ATP2C1: variants seen among roughly 807,000 people sequenced by gnomAD.
ATP2C1 encodes calcium-transporting ATPase type 2C member 1.
In ATP2C1, 31 loss-of-function variants were observed where a neutral mutation model predicts 120.5. That is an observed-to-expected ratio of 0.26 (90% CI 0.19 to 0.35). The LOEUF (loss-of-function observed/expected upper bound fraction) is 0.35. ATP2C1 is among the 10% of genes least tolerant of loss of function. ATP2C1 has a pLI of 1.00. For missense variants in ATP2C1, 731 were observed against 1,107.5 expected (o/e 0.66, Z 4.83); for synonymous variants, 351 against 358.7 (o/e 0.98, Z 0.24).
intron 27 of ATP2C1, among the ~76,000 whole-genome samples, chr3:131,000,861 G>A (rs985003066): frequency 1.3e-5 from 2 of 152,094 alleles, no homozygotes; most frequent in Non-Finnish European, 2.9e-5. Flanking sequence ...CCAATACTTC[G>A]GGAGGCTGAG....
At chr3:131,004,592 C>G (rs55898113), downstream of ATP2C1, among the ~76,000 whole-genome samples, 8,942 of 152,118 alleles carry the variant, frequency 0.059, 842 homozygotes, top group African/African-American at 0.2. Flanking sequence ...AATATATCCA[C>G]TAGAGTGGTA....
At chr3:130,924,089 A>G (rs1472371384) in intron 2 of ATP2C1, among the ~76,000 whole-genome samples, 1 of 151,148 alleles carries the variant, frequency 6.6e-6, no homozygotes, top group Non-Finnish European at 1.5e-5. Context: ...TTTAGATGTG[A>G]GGTACTGTTG....
intron 8 of ATP2C1, among the ~76,000 whole-genome samples, chr3:130,942,148 T>C (rs1249944824): frequency 1.3e-5 from 2 of 152,180 alleles, no homozygotes; most frequent in Non-Finnish European, 1.5e-5. Context: ...CAGTGATAAT[T>C]GAAGAGTAGT....
At chr3:131,005,750 C>A (rs1477242363), downstream of ATP2C1, among the ~76,000 whole-genome samples, 3 of 152,124 alleles carry the variant, frequency 2.0e-5, no homozygotes, top group Non-Finnish European at 4.4e-5. Context: ...AAAAACTTTC[C>A]TTTAGCATAG....
At position 130,998,148 on chromosome 3, in the gene ATP2C1, G is replaced by A. The variant is rs12630649; in HGVS notation, c.2392-146G>A. The A allele has an allele frequency of 3.4e-4, 230 of 677,878 alleles. 1 individual carries two copies. The highest frequency in any genetic ancestry group is 1.8e-3 in the East Asian group (67 of 36,608). The allele number at this position is 677,878 out of a possible 1,614,324, so 42.0% of individuals were successfully genotyped here. On this transcript the variant is annotated intron_variant, in intron 25 of 27. Coordinates refer to ENST00000510168, the MANE Select transcript of ATP2C1 (RefSeq NM_001378687.1). The stretch of plus-strand genomic sequence containing the variant: ...CAGCTATTCACTAGGTGATTTATAG[G>A]AAATTTAGGTAGCTTTTATGTTTCA...
chr3:130,934,507 A>G lies in ATP2C1; in HGVS notation c.235-115A>G, dbSNP rs535701338. The G allele has an allele frequency of 1.4e-5, 10 of 709,864 alleles. No homozygotes were observed. The South Asian group carries it at 1.5e-4, about 11-fold the overall frequency. The allele number at this position is 709,864 out of a possible 1,614,324, so 44.0% of individuals were successfully genotyped here. ...AAGAGATACATAAAATAAACTGAGT[A>G]TAGACTTTTGTAATTTTCCAGTCAT... is the stretch of plus-strand genomic sequence containing the variant. On this transcript the variant is annotated intron_variant, in intron 4 of 27. Transcript: ENST00000510168.
intron 12 of ATP2C1, among the ~76,000 whole-genome samples, chr3:130,962,088 A>G (rs991002991): frequency 2.6e-5 from 4 of 152,082 alleles, no homozygotes; most frequent in African/African-American, 9.7e-5. Flanking sequence ...AAACGAATGC[A>G]TGACCCTATT....
At chr3:130,955,917 G>A in intron 10 of ATP2C1, 187 bp from the exon 11 acceptor site, 2 of 551,600 alleles carry the variant, frequency 3.6e-6, no homozygotes, top group Non-Finnish European at 6.6e-6. Flanking sequence ...GTTCCTCACT[G>A]TGTGACCTTG....
Position 130,910,993 on chromosome 3 carries a change from C to G in ATP2C1, c.6+16218C>G, listed in dbSNP as rs769483084. The stretch of plus-strand genomic sequence containing the variant: ...GAGTTAGGGAGGATTCCCTCTTTTT[C>G]TATTGATTGGAATAGTTTCAGAAGG... On this transcript the variant is annotated intron_variant, in intron 2 of 27. Transcript: ENST00000510168. Among the ~76,000 whole-genome samples the G allele has an allele frequency of 2.4e-3, 358 of 149,578 alleles. 2 individuals carry two copies. The highest frequency in any genetic ancestry group is 4.0e-3 in the Non-Finnish European group (268 of 67,420).
intron 26 of ATP2C1, among the ~76,000 whole-genome samples, chr3:131,012,318 C>T (rs995781645): frequency 5.7e-5 from 8 of 140,588 alleles, no homozygotes; most frequent in African/African-American, 1.9e-4. Flanking sequence ...AGTACAGTGG[C>T]GCCATCTCGG....
At position 130,996,080 on chromosome 3, in the gene ATP2C1, A is replaced by G; in HGVS notation, c.2095A>G (p.Ile699Val). 3.7e-6 allele frequency: 6 copies of G among 1,611,830 alleles called. No individual in the cohort carries two copies. Among genetic ancestry groups the G allele is most frequent in the Non-Finnish European group, 5.1e-6 (6 of 1,178,024 alleles). Residue 699 changes from isoleucine to valine, a missense_variant, in exon 23 of 28, where the codon ATT becomes GTT. Ile to Val is a conservative substitution (Grantham distance 29). Around this residue, in one of 3 missense-constraint regions of ATP2C1, gnomAD observed 571 missense variants for 845.9 expected, o/e 0.67. Coordinates refer to ENST00000510168, the MANE Select transcript of ATP2C1 (RefSeq NM_001378687.1). Reference protein sequence around the residue: ...IEEGKGIYNNIKNFVRFQLST... With the variant: ...IEEGKGIYNNVKNFVRFQLST... ...AGAGGGTAAAGGGATTTATAATAAC[A>G]TTAAAAATTTCGTTAGATTCCAGCT...
chr3:130,909,912 C>T (rs897922495), intron 2 of ATP2C1, among the ~76,000 whole-genome samples: 1 of 151,756 alleles, frequency 6.6e-6, no homozygotes, highest in South Asian at 2.1e-4. Context: ...CACTATGTTG[C>T]CCAGGTTGGT....
chr3:130,941,891 T>C (rs1245817327), intron 8 of ATP2C1, among the ~76,000 whole-genome samples, 192 bp downstream of exon 8: 1 of 152,184 alleles, frequency 6.6e-6, no homozygotes, highest in Non-Finnish European at 1.5e-5. Context: ...TTTGAGGTGT[T>C]TGTTTAGTGA....
At chr3:130,902,297 G>T (rs200488477) in intron 2 of ATP2C1, among the ~76,000 whole-genome samples, 1,693 of 13,172 alleles carry the variant, frequency 0.13, 297 homozygotes, top group Middle Eastern at 0.21. Context: ...TTTTTTTTTT[G>T]TTTTTTTTTT....
downstream of ATP2C1, among the ~76,000 whole-genome samples, chr3:131,007,671 C>T (rs1196817793): frequency 6.6e-6 from 1 of 152,250 alleles, no homozygotes; most frequent in African/African-American, 2.4e-5. Context: ...CATTAAAGAA[C>T]TTTCTATTAA....
At chr3:131,013,228 T>A (rs1295857609) in intron 26 of ATP2C1, among the ~76,000 whole-genome samples, 1 of 152,212 alleles carries the variant, frequency 6.6e-6, no homozygotes, top group Non-Finnish European at 1.5e-5. Flanking sequence ...AGCAGTACCT[T>A]TTAAACTTCT....
chr3:130,944,542 G>C (rs762979925), intron 8 of ATP2C1, among the ~76,000 whole-genome samples: 1 of 152,068 alleles, frequency 6.6e-6, no homozygotes, highest in Non-Finnish European at 1.5e-5. Context: ...GGCATCATTA[G>C]GACTAGCCTC....
At chr3:130,918,102 A>C (rs777587462) in intron 2 of ATP2C1, 4 of 634,964 alleles carry the variant, frequency 6.3e-6, no homozygotes, top group Non-Finnish European at 1.1e-5. Context: ...CTATCCGAGT[A>C]CAGGGTAATA....
Position 131,001,290 on chromosome 3 carries a change from G to A in ATP2C1, c.2700G>A (p.Arg900=). ...IVAEIIKKVE[R]SREKIQKHVS... ...CAGAAATTATAAAGAAGGTTGAAAGGAGCAGGGAAAAGATCCAGAAGCATG... is the reference window on the plus strand; with the variant it reads ...CAGAAATTATAAAGAAGGTTGAAAGAAGCAGGGAAAAGATCCAGAAGCATG... Residue 900 remains arginine, a synonymous_variant, in exon 28 of 28, where the codon AGG becomes AGA. Transcript: ENST00000510168. The A allele has an allele frequency of 6.2e-7, 1 of 1,613,830 alleles. No individual in the cohort carries two copies. Among genetic ancestry groups the A allele is most frequent in the African/African-American group, 1.3e-5 (1 of 74,996 alleles).
Sources: allele counts gnomAD v4.1 joint callset (sites outside exome capture counted in the v4.1 genomes callset), GRCh38; gene constraint gnomAD v4.1.1; regional missense constraint gnomAD v4.1.1; transcripts MANE v1.5; gene names NCBI Gene and HGNC (gene_info 2026-07-23, HGNC 2026-07-21).